The following GFRA1 variants were observed in gnomAD, a reference collection of about 807,000 sequenced individuals.
The protein encoded by GFRA1 is GDNF family receptor alpha-1.
A neutral mutation model predicts 51.6 loss-of-function variants in GFRA1; 16 were observed. The observed-to-expected ratio is 0.31, with a 90% CI of 0.21 to 0.47. The LOEUF (loss-of-function observed/expected upper bound fraction) is 0.47, where lower values mean the gene tolerates loss of function less well. Among genes scored for constraint, GFRA1 ranks in the 20% least tolerant of loss-of-function variants. GFRA1 has a pLI of 1.00. For missense variants in GFRA1, 530 were observed against 594.3 expected, an observed-to-expected ratio of 0.89 and a Z score of 1.13; for synonymous variants, 270 against 241.3, an observed-to-expected ratio of 1.12 and a Z score of -1.10.
rs566903674 is a variant in GFRA1, at chr10:116,170,556, C to T, written c.433+41075G>A. On this transcript the variant is annotated intron_variant, in intron 5 of 10. Coordinates refer to ENST00000355422, the MANE Select transcript of GFRA1 (RefSeq NM_005264.8). The stretch of plus-strand genomic sequence containing the variant: ...CAGAAGTCTCTTTGGACTCCATTTT[C>T]CCCTCTAAGCATTTAAAATACAGGC... Among the ~76,000 whole-genome samples, 6 of 152,162 alleles carry T rather than the reference C, an allele frequency of 3.9e-5. No individual in the cohort carries two copies. In the South Asian group the frequency reaches 1.2e-3, roughly 32 times the overall value.
chr10:116,268,889 A>G (rs933432686), intron 4 of GFRA1, among the ~76,000 whole-genome samples: 1 of 152,228 alleles, frequency 6.6e-6, no homozygotes, highest in East Asian at 1.9e-4. Flanking sequence ...GCAAAGAGAG[A>G]AAAAACAAAC....
intron 5 of GFRA1, among the ~76,000 whole-genome samples, chr10:116,164,857 G>A (rs937726824): frequency 2.6e-5 from 4 of 152,074 alleles, no homozygotes; most frequent in Non-Finnish European, 4.4e-5. Context: ...TTCCAGTTGC[G>A]GAGGTCACTG....
chr10:116,092,352 T>C (rs965661080), intron 8 of GFRA1, among the ~76,000 whole-genome samples: 2 of 152,144 alleles, frequency 1.3e-5, no homozygotes, highest in African/African-American at 2.4e-5. Context: ...ATTTTTCCTA[T>C]CAACAAAGTA....
chr10:116,086,250 C>G (rs897931767), intron 9 of GFRA1, among the ~76,000 whole-genome samples: 1 of 152,258 alleles, frequency 6.6e-6, no homozygotes, highest in Middle Eastern at 3.4e-3. Flanking sequence ...CCAATGTTCC[C>G]TAGCACACAC....
chr10:116,207,261 T>C (rs1964852172), intron 5 of GFRA1, among the ~76,000 whole-genome samples: 1 of 152,228 alleles, frequency 6.6e-6, no homozygotes, highest in Non-Finnish European at 1.5e-5. Flanking sequence ...ACACTGAGGT[T>C]TCCTAATCAC....
intron 4 of GFRA1, among the ~76,000 whole-genome samples, chr10:116,266,495 C>T (rs951187412): frequency 6.6e-6 from 1 of 152,228 alleles, no homozygotes; most frequent in Non-Finnish European, 1.5e-5. Context: ...TTTGGCTTTA[C>T]TATCCCACTT....
intron 6 of GFRA1, among the ~76,000 whole-genome samples, chr10:116,097,137 C>T (rs1423267654): frequency 2.0e-5 from 3 of 149,058 alleles, no homozygotes; most frequent in Admixed American, 1.3e-4. Context: ...ACACACTCAC[C>T]GGAGATCCAC....
chr10:116,088,746 A>C (rs1239187978), intron 9 of GFRA1, among the ~76,000 whole-genome samples: 2 of 151,764 alleles, frequency 1.3e-5, no homozygotes, highest in Non-Finnish European at 2.9e-5. Flanking sequence ...TGGTGAAACC[A>C]CGTCTCTACC....
At chr10:116,254,506 A>AT (rs1351346502) in intron 4 of GFRA1, among the ~76,000 whole-genome samples, 1 of 119,496 alleles carries the variant, frequency 8.4e-6, no homozygotes, top group Admixed American at 8.1e-5. Context: ...CCCTGACTCT[A>AT]TTAAAAAAAA....
intron 4 of GFRA1, among the ~76,000 whole-genome samples, chr10:116,261,231 A>G (rs547180438): frequency 6.6e-6 from 1 of 152,326 alleles, no homozygotes; most frequent in African/African-American, 2.4e-5. Context: ...CCCATTTACA[A>G]GCAAACACCT....
chr10:116,221,473 G>A (rs184724423), intron 4 of GFRA1, among the ~76,000 whole-genome samples: 7 of 152,276 alleles, frequency 4.6e-5, no homozygotes, highest in African/African-American at 9.6e-5. Flanking sequence ...TGCCTAGGCT[G>A]GAGTGCAGGG....
chr10:116,107,526 A>C (rs1957050920), intron 6 of GFRA1, among the ~76,000 whole-genome samples: 1 of 152,194 alleles, frequency 6.6e-6, no homozygotes, highest in Non-Finnish European at 1.5e-5. Flanking sequence ...TGAGTCTTCA[A>C]ACATCCTCAA....
At chr10:116,090,866 T>C (rs1481056982) in intron 8 of GFRA1, among the ~76,000 whole-genome samples, 1 of 152,232 alleles carries the variant, frequency 6.6e-6, no homozygotes, top group Non-Finnish European at 1.5e-5. Context: ...CTAATCTTCC[T>C]CTTAGAAGTG....
chr10:116,152,732 AG>A (rs1370317909), intron 5 of GFRA1, among the ~76,000 whole-genome samples: 1 of 152,232 alleles, frequency 6.6e-6, no homozygotes, highest in African/African-American at 2.4e-5. Flanking sequence ...TAAATATCCA[AG>A]GAAGTGTCTT....
Position 116,270,972 on chromosome 10 carries a change from G to C in GFRA1, c.184C>G (p.Leu62Val). The C allele has an allele frequency of 6.2e-7, 1 of 1,614,232 alleles. No homozygotes were observed. Among genetic ancestry groups the C allele is most frequent in the Non-Finnish European group, 8.5e-7 (1 of 1,180,050 alleles). Residue 62 changes from leucine to valine, a missense_variant, in exon 3 of 11, where the codon CTG (leucine) becomes GTG (valine). Physicochemically the swap from Leu to Val is conservative, Grantham distance 32 (BLOSUM62 1). Coordinates refer to ENST00000355422, the MANE Select transcript of GFRA1 (RefSeq NM_005264.8). ...TCCTTGGCCTCCAGGCCGGATGCCA[G>C]GCTGAAGTTGGTCTCCTTGCCCGCC... is the stretch of plus-strand genomic sequence containing the variant. ...CVAGKETNFSLASGLEAKDEC... is the reference protein window; with the variant it reads ...CVAGKETNFSVASGLEAKDEC...
At chr10:116,110,050 C>T (rs946874351) in intron 6 of GFRA1, among the ~76,000 whole-genome samples, 3 of 152,148 alleles carry the variant, frequency 2.0e-5, no homozygotes, top group African/African-American at 4.8e-5. Flanking sequence ...TCCCTGTGCC[C>T]GCTGCCTCTC....
At chr10:116,107,460 T>G (rs1957049033) in intron 6 of GFRA1, among the ~76,000 whole-genome samples, 1 of 152,216 alleles carries the variant, frequency 6.6e-6, no homozygotes, top group South Asian at 2.1e-4. Context: ...TTCAGGAAAG[T>G]CATGATGAAT....
At chr10:116,269,712 A>ATTTCAAATGCATCTC (rs1440064032) in intron 3 of GFRA1, 126 bp from the exon 4 acceptor site, 19 of 703,002 alleles carry the variant, frequency 2.7e-5, no homozygotes, top group Non-Finnish European at 4.9e-5. Flanking sequence ...ACTTTGAAAG[A>ATTTCAAATGCATCTC]TTTCAAATGC....
chr10:116,097,156 A>T (rs1956633257), intron 6 of GFRA1, among the ~76,000 whole-genome samples: 1 of 152,186 alleles, frequency 6.6e-6, no homozygotes, highest in Non-Finnish European at 1.5e-5. Flanking sequence ...ACACTGGGAA[A>T]ATATTTACTT....
Sources: allele counts gnomAD v4.1 joint callset (sites outside exome capture counted in the v4.1 genomes callset), GRCh38; gene constraint gnomAD v4.1.1; transcripts MANE v1.5; gene names NCBI Gene and HGNC (gene_info 2026-07-23, HGNC 2026-07-21).